IFI44L: variants seen among roughly 807,000 people sequenced by gnomAD.
IFI44L encodes the protein interferon induced protein 44 like, also known as interferon-induced protein 44-like.
IFI44L carries 40 observed loss-of-function variants against 39.3 expected under a neutral mutation model. The observed-to-expected ratio is 1.02, with a 90% CI of 0.79 to 1.33. The LOEUF is 1.33. Ranked by LOEUF, IFI44L falls within the 40% of genes most tolerant of loss-of-function variation. The pLI, the probability that IFI44L is intolerant of heterozygous loss-of-function variation, is 0.00. For synonymous variants in IFI44L, 198 were observed against 182.3 expected (o/e 1.09, Z -0.69); for missense variants, 623 against 549.0 (o/e 1.13, Z -1.35).
chr1:78,640,317 C>G (rs1646967849), intron 6 of IFI44L, among the ~76,000 whole-genome samples: 1 of 152,072 alleles, frequency 6.6e-6, no homozygotes, highest in African/African-American at 2.4e-5. Flanking sequence ...GAGAACTGCT[C>G]TCTACCAGAA....
chr1:78,625,894 T>C (rs995491799), intron 1 of IFI44L: 1 of 151,960 alleles, frequency 6.6e-6, no homozygotes, highest in South Asian at 2.1e-4. Flanking sequence ...TTATTTCAAA[T>C]TATATTTTTT....
rs1460283357 is a variant in IFI44L, at chr1:78,645,570, A to G, written c.*3761A>G. On this transcript the variant is annotated 3_prime_UTR_variant, in exon 9 of 9. Transcript: ENST00000370751. Reference sequence around the variant, plus strand: ...CTTAATGATCAGCTGATGAATAATCATCTCCTAGCAACATAACTCAATCTA... The same window carrying G: ...CTTAATGATCAGCTGATGAATAATCGTCTCCTAGCAACATAACTCAATCTA... 1 of 152,202 alleles carries G rather than the reference A, an allele frequency of 6.6e-6. No homozygotes were observed. Among genetic ancestry groups the G allele is most frequent in the Non-Finnish European group, 1.5e-5 (1 of 68,042 alleles). The allele number at this position is 152,202 out of a possible 1,614,324, so 9.4% of individuals were successfully genotyped here.
rs758638101 is a variant in IFI44L, at chr1:78,628,066, A to G, written c.151A>G (p.Ile51Val). The G allele has an allele frequency of 5.6e-6, 9 of 1,613,210 alleles. No homozygotes were observed. The East Asian group carries it at 8.9e-5, about 16-fold the overall frequency. Residue 51 changes from isoleucine to valine, a missense_variant, in exon 2 of 9, where the codon ATA becomes GTA. By Grantham distance (29) the Ile-to-Val change is conservative. Transcript: ENST00000370751. ...AAGATGCAGCCGTCAGGGATGTACTATAACAATGGCTTACATTGATTACAA... is the reference window on the plus strand; with the variant it reads ...AAGATGCAGCCGTCAGGGATGTACTGTAACAATGGCTTACATTGATTACAA... The part of the protein sequence containing the change: ...VERCSRQGCT[I>V]TMAYIDYNMI...
chr1:78,621,188 T>C (rs1001376065), intron 1 of IFI44L, among the ~76,000 whole-genome samples: 2 of 152,218 alleles, frequency 1.3e-5, no homozygotes, highest in African/African-American at 2.4e-5. Context: ...TTAAAAATGA[T>C]TTGCTTTTTA....
At chr1:78,640,968 T>C in intron 6 of IFI44L, 53 bp from the exon 7 acceptor site, 1 of 1,301,230 alleles carries the variant, frequency 7.7e-7, no homozygotes, top group Non-Finnish European at 1.1e-6. Flanking sequence ...TAATAACTTG[T>C]TGACACATTG....
chr1:78,641,383 A>C, intron 7 of IFI44L, 52 bp from the exon 8 acceptor site: 1 of 1,522,932 alleles, frequency 6.6e-7, no homozygotes, highest in Non-Finnish European at 8.9e-7. Context: ...AAATTGGTCA[A>C]ATTTCAAATA....
chr1:78,645,007 A>G lies in IFI44L; in HGVS notation c.*3198A>G, dbSNP rs1174822668. ...CTATGAGGTATGCAGGCCCAGAGAG[A>G]CATAAGTATGTTCCTTTAGTCTTGC... On this transcript the variant is annotated 3_prime_UTR_variant, in exon 9 of 9. Coordinates refer to ENST00000370751, the MANE Select transcript of IFI44L (RefSeq NM_006820.4). The G allele has an allele frequency of 6.6e-6, 1 of 152,196 alleles. No individual in the cohort carries two copies. The highest frequency in any genetic ancestry group is 6.5e-5 in the Admixed American group (1 of 15,274). 9.4% of individuals were successfully genotyped at this position (152,196 alleles called of 1,614,324 possible).
At position 78,644,665 on chromosome 1, in the gene IFI44L, AAACTTT is replaced by A. The variant is rs1334705362; in HGVS notation, c.*2858_*2863del. On this transcript the variant is annotated 3_prime_UTR_variant, in exon 9 of 9. Transcript: ENST00000370751. ...TTTTAGAGGTCATCCAGGATTTTTG[AAACTTT>A]ACATTCTTTACGGTTAAGCAAGATG... The A allele has an allele frequency of 6.6e-6, 1 of 152,180 alleles. No individual in the cohort carries two copies. The highest frequency in any genetic ancestry group is 1.9e-4 in the East Asian group (1 of 5,184). The allele number at this position is 152,180 out of a possible 1,614,324, so 9.4% of individuals were successfully genotyped here. A position where few individuals can be genotyped will look rare whatever the true frequency, so the allele number is the denominator to read the frequency against.
chr1:78,629,968 T>C, intron 4 of IFI44L, 53 bp downstream of exon 4: 3 of 1,481,288 alleles, frequency 2.0e-6, no homozygotes, highest in Non-Finnish European at 2.8e-6. Context: ...ATTATATTGC[T>C]TATGTCTTTG....
intron 1 of IFI44L, among the ~76,000 whole-genome samples, chr1:78,623,949 T>C (rs1652386254): frequency 6.6e-6 from 1 of 152,208 alleles, no homozygotes; most frequent in Non-Finnish European, 1.5e-5. Context: ...ATTCAAATGC[T>C]AATCTAAAAT....
chr1:78,622,657 A>G (rs570248100), intron 1 of IFI44L, among the ~76,000 whole-genome samples: 1 of 152,298 alleles, frequency 6.6e-6, no homozygotes, highest in Admixed American at 6.5e-5. Flanking sequence ...CTGCTATGCT[A>G]GGAGATTCTC....
chr1:78,634,733 T>G (rs1342636554), intron 4 of IFI44L, among the ~76,000 whole-genome samples: 1 of 151,994 alleles, frequency 6.6e-6, no homozygotes, highest in Non-Finnish European at 1.5e-5. Flanking sequence ...GCTAAAATAA[T>G]AATAGCTATA....
At chr1:78,633,006 A>G (rs1025682986) in intron 4 of IFI44L, among the ~76,000 whole-genome samples, 1 of 152,224 alleles carries the variant, frequency 6.6e-6, no homozygotes, top group African/African-American at 2.4e-5. Context: ...TCATTCCTCC[A>G]CTGAAACATC....
At position 78,645,722 on chromosome 1, in the gene IFI44L, T is replaced by G. The variant is rs1647038754; in HGVS notation, c.*3913T>G. On this transcript the variant is annotated 3_prime_UTR_variant, in exon 9 of 9. Coordinates refer to ENST00000370751, the MANE Select transcript of IFI44L (RefSeq NM_006820.4). The stretch of plus-strand genomic sequence containing the variant: ...TCTGATGAGTCTATGGACCAATTTG[T>G]GGAGGACAGTAGATTAAATAGATCT... 6.6e-6 allele frequency: 1 copy of G among 152,168 alleles called. No homozygotes were observed. Among genetic ancestry groups the G allele is most frequent in the Non-Finnish European group, 1.5e-5 (1 of 68,030 alleles). 9.4% of individuals were successfully genotyped at this position (152,168 alleles called of 1,614,324 possible).
intron 1 of IFI44L, among the ~76,000 whole-genome samples, chr1:78,624,832 C>A (rs1652424572): frequency 6.6e-6 from 1 of 152,062 alleles, no homozygotes; most frequent in South Asian, 2.1e-4. Flanking sequence ...TATATGATGT[C>A]CTTCATAGCC....
chr1:78,629,697 A>G (rs1278565480), intron 3 of IFI44L, 23 bp from the exon 4 acceptor site: 6 of 1,579,898 alleles, frequency 3.8e-6, no homozygotes, highest in East Asian at 4.5e-5. Flanking sequence ...CTGATGCTGT[A>G]TTTAACCACT....
Position 78,645,628 on chromosome 1 carries a change from T to C in IFI44L, c.*3819T>C, listed in dbSNP as rs1263324130. 6.6e-6 allele frequency: 1 copy of C among 152,192 alleles called. No individual in the cohort carries two copies. The highest frequency in any genetic ancestry group is 6.5e-5 in the Admixed American group (1 of 15,280). The allele number at this position is 152,192 out of a possible 1,614,324, so 9.4% of individuals were successfully genotyped here. A position where few individuals can be genotyped will look rare whatever the true frequency, so the allele number is the denominator to read the frequency against. On this transcript the variant is annotated 3_prime_UTR_variant, in exon 9 of 9. Transcript: ENST00000370751. ...GGTACCCACAAGATGGCAAGGCTGA[T>C]CAAAGTCGTCATGGAATCCTGCAAC...
In IFI44L at chr1:78,644,535, A is replaced by T. The variant is rs1286525185; in HGVS notation, c.*2726A>T. 1 of 152,178 alleles carries T rather than the reference A, an allele frequency of 6.6e-6. No individual in the cohort carries two copies. The highest frequency in any genetic ancestry group is 1.5e-5 in the Non-Finnish European group (1 of 68,024). The allele number at this position is 152,178 out of a possible 1,614,324, so 9.4% of individuals were successfully genotyped here. A position where few individuals can be genotyped will look rare whatever the true frequency, so the allele number is the denominator to read the frequency against. Reference sequence around the variant, plus strand: ...GGAAATATTGGTGAGGAGGCCTCAAAAAGGGGGAAACATCTTTTGTCTGGG... The same window carrying T: ...GGAAATATTGGTGAGGAGGCCTCAATAAGGGGGAAACATCTTTTGTCTGGG... On this transcript the variant is annotated 3_prime_UTR_variant, in exon 9 of 9. Transcript: ENST00000370751.
chr1:78,639,375 A>T (rs1653069925), intron 6 of IFI44L, among the ~76,000 whole-genome samples: 1 of 152,164 alleles, frequency 6.6e-6, no homozygotes, highest in South Asian at 2.1e-4. Context: ...GTGGTGTTTG[A>T]CTGGGGTAGT....
Sources: allele counts gnomAD v4.1 joint callset (sites outside exome capture counted in the v4.1 genomes callset), GRCh38; gene constraint gnomAD v4.1.1; transcripts MANE v1.5; gene names NCBI Gene and HGNC (gene_info 2026-07-23, HGNC 2026-07-21).